ATG10: variants seen among roughly 807,000 people sequenced by gnomAD.
The protein encoded by ATG10 is autophagy related 10, also known as ubiquitin-like-conjugating enzyme ATG10.
ATG10 carries 30 observed loss-of-function variants against 32.1 expected under a neutral mutation model. The ratio of observed to expected loss-of-function variants is 0.94; its 90% CI spans 0.70 to 1.27. The LOEUF is 1.27. Among genes scored for constraint, ATG10 ranks in the 50% most tolerant of loss-of-function variants. The pLI is 0.00. For synonymous variants in ATG10, 87 were observed against 91.5 expected, an observed-to-expected ratio of 0.95 and a Z score of 0.28; for missense variants, 233 against 262.3, an observed-to-expected ratio of 0.89 and a Z score of 0.77.
intron 2 of ATG10, among the ~76,000 whole-genome samples, chr5:82,000,838 G>A (rs1017264552): frequency 3.3e-5 from 5 of 152,216 alleles, no homozygotes; most frequent in Admixed American, 1.3e-4. Flanking sequence ...TGTATTTTCA[G>A]TAGAGATGGG....
At chr5:82,211,635 G>A (rs1161595850) in intron 5 of ATG10, among the ~76,000 whole-genome samples, 1 of 152,198 alleles carries the variant, frequency 6.6e-6, no homozygotes, top group East Asian at 1.9e-4. Context: ...CAGATCTCAA[G>A]CTGCCATTCC....
chr5:82,068,529 A>G (rs1581656026), intron 3 of ATG10, among the ~76,000 whole-genome samples: 2 of 151,948 alleles, frequency 1.3e-5, no homozygotes, highest in African/African-American at 4.8e-5. Context: ...CATTCTGCAC[A>G]TGTATCCCAG....
intron 3 of ATG10, among the ~76,000 whole-genome samples, chr5:82,159,889 A>G (rs1287824220): frequency 6.6e-6 from 1 of 152,174 alleles, no homozygotes; most frequent in East Asian, 1.9e-4. Flanking sequence ...ATAGGTTCAC[A>G]TTTAGTAATA....
intron 3 of ATG10, among the ~76,000 whole-genome samples, chr5:82,143,115 G>A (rs1164133372): frequency 6.6e-6 from 1 of 152,206 alleles, no homozygotes; most frequent in African/African-American, 2.4e-5. Context: ...AAGTGAATGA[G>A]GAGTGAGAAC....
intron 3 of ATG10, among the ~76,000 whole-genome samples, chr5:82,058,878 G>GT: frequency 6.6e-6 from 1 of 152,266 alleles, no homozygotes; most frequent in South Asian, 2.1e-4. Flanking sequence ...AAGAATTGTG[G>GT]TAAAGTTATA....
In ATG10 at chr5:82,178,682, A is replaced by G. The variant is rs538110511; in HGVS notation, c.453+95A>G. On this transcript the variant is annotated intron_variant, in intron 5 of 7. Coordinates refer to ENST00000282185, the MANE Select transcript of ATG10 (RefSeq NM_031482.5). ...AGTTCCCTCTCCAACTCTTTTCCCT[A>G]TTTCACTTGTCTATATCTTTACATA... is the stretch of plus-strand genomic sequence containing the variant. 8.3e-5 allele frequency: 68 copies of G among 822,630 alleles called. No individual in the cohort carries two copies. In the African/African-American group the frequency reaches 8.5e-4, roughly 10 times the overall value. 51.0% of individuals were successfully genotyped at this position (822,630 alleles called of 1,614,324 possible).
intron 5 of ATG10, among the ~76,000 whole-genome samples, chr5:82,233,002 T>C (rs1248062036): frequency 6.6e-6 from 1 of 152,226 alleles, no homozygotes; most frequent in African/African-American, 2.4e-5. Context: ...GTCTTTACTC[T>C]TATATCTTTC....
intron 3 of ATG10, among the ~76,000 whole-genome samples, chr5:82,107,881 A>G (rs983338805): frequency 6.6e-6 from 1 of 152,102 alleles, no homozygotes; most frequent in Non-Finnish European, 1.5e-5. Flanking sequence ...AGAAGGTGAC[A>G]TTTGAATTGG....
chr5:81,987,595 G>A lies in ATG10; in HGVS notation c.25G>A (p.Glu9Lys), dbSNP rs769659213. The A allele has an allele frequency of 9.3e-6, 15 of 1,611,180 alleles. No homozygotes were observed. In the South Asian group the frequency reaches 1.2e-4, roughly 13 times the overall value. MEEDEFIG[E>K]KTFQRYCAEF... ...CATGGAAGAAGATGAGTTCATTGGA[G>A]AAAAAACATTCCAACGTTATTGTGC... The change falls in exon 2 of 8, where the codon GAA becomes AAA. Residue 9 changes from glutamate (E) to lysine (K), a missense_variant. Physicochemically the swap from Glu to Lys is moderately conservative, Grantham distance 56. Transcript: ENST00000282185.
chr5:82,190,778 A>G (rs1744632713), intron 5 of ATG10, among the ~76,000 whole-genome samples: 1 of 142,010 alleles, frequency 7.0e-6, no homozygotes, highest in Non-Finnish European at 1.5e-5. Flanking sequence ...CATCTCAAAA[A>G]AAAAAAAAAA....
At chr5:81,983,194 ACCTC>A (rs1761113671) in intron 1 of ATG10, among the ~76,000 whole-genome samples, 1 of 122,452 alleles carries the variant, frequency 8.2e-6, no homozygotes. Context: ...TGATCCCCCC[ACCTC>A]CCTCCCGGAC....
chr5:82,205,453 T>G (rs533139623), intron 5 of ATG10, among the ~76,000 whole-genome samples: 94 of 152,146 alleles, frequency 6.2e-4, no homozygotes, highest in African/African-American at 2.0e-3. Flanking sequence ...GAAGGGAAGA[T>G]AGGAGGAAGA....
intron 3 of ATG10, among the ~76,000 whole-genome samples, chr5:82,141,785 C>T (rs1185822581): frequency 1.3e-5 from 2 of 151,642 alleles, no homozygotes; most frequent in African/African-American, 4.9e-5. Flanking sequence ...AAAATTCTAA[C>T]TAGGGGTTGC....
intron 2 of ATG10, chr5:82,010,139 G>T (rs908656830): frequency 6.1e-5 from 89 of 1,453,170 alleles, no homozygotes; most frequent in Middle Eastern, 1.9e-4. Flanking sequence ...CTGCAAAGCC[G>T]CTTTCTTATA....
intron 3 of ATG10, among the ~76,000 whole-genome samples, chr5:82,142,457 C>T (rs1767190009): frequency 6.6e-6 from 1 of 151,892 alleles, no homozygotes; most frequent in African/African-American, 2.4e-5. Flanking sequence ...TGTAAAGGCA[C>T]AACAGTCATG....
At chr5:82,001,288 T>C (rs1761841397) in intron 2 of ATG10, among the ~76,000 whole-genome samples, 1 of 152,138 alleles carries the variant, frequency 6.6e-6, no homozygotes, top group African/African-American at 2.4e-5. Flanking sequence ...TTCAGAGAAT[T>C]AGAAAAAACA....
At chr5:81,985,572 C>G (rs1364966597) in intron 1 of ATG10, among the ~76,000 whole-genome samples, 3 of 152,144 alleles carry the variant, frequency 2.0e-5, no homozygotes, top group Non-Finnish European at 4.4e-5. Context: ...GCTCTTCCTC[C>G]AGAGACCTCT....
At position 82,126,125 on chromosome 5, in the gene ATG10, T is replaced by C. The variant is rs1242355670; in HGVS notation, c.217-38274T>C. Among the ~76,000 whole-genome samples, 8 of 115,376 alleles carry C rather than the reference T, an allele frequency of 6.9e-5. No individual in the cohort carries two copies. In the Admixed American group the frequency reaches 7.5e-4, roughly 11 times the overall value. 75.7% of individuals were successfully genotyped at this position (115,376 alleles called of 152,430 possible). ...ATGCATGTGATTTTTGCACATTGAT[T>C]TTGTATTCTGAGGCTTTCCTGAAGT... On this transcript the variant is annotated intron_variant, in intron 3 of 7. Transcript: ENST00000282185.
intron 5 of ATG10, among the ~76,000 whole-genome samples, chr5:82,198,300 G>A (rs1422478245): frequency 1.3e-5 from 2 of 152,184 alleles, no homozygotes; most frequent in Non-Finnish European, 2.9e-5. Flanking sequence ...AGTCGCCCAG[G>A]CTGGAGTACG....
Sources: gnomAD v4.1 joint callset for allele counts (sites outside exome capture counted in the v4.1 genomes callset) on GRCh38, gnomAD v4.1.1 for gene constraint, MANE v1.5 for transcripts, NCBI Gene and HGNC (gene_info 2026-07-23, HGNC 2026-07-21) for gene names.